ARHGAP23: variants seen among roughly 807,000 people sequenced by gnomAD.
The protein encoded by ARHGAP23 is Rho GTPase activating protein 23.
A neutral mutation model predicts 136.3 loss-of-function variants in ARHGAP23; 34 were observed. The ratio of observed to expected loss-of-function variants is 0.25; its 90% CI spans 0.19 to 0.33. ARHGAP23 has a LOEUF of 0.33. ARHGAP23 is among the 10% of genes least tolerant of loss of function. The pLI is 1.00. For synonymous variants in ARHGAP23, 832 were observed against 920.5 expected (o/e 0.90, Z 1.74); for missense variants, 1,808 against 2,139.0 (o/e 0.85, Z 3.05).
chr17:38,438,316 C>T lies in ARHGAP23; in HGVS notation c.63+9768C>T, dbSNP rs1293881694. Among the ~76,000 whole-genome samples the T allele has an allele frequency of 2.3e-4, 17 of 75,164 alleles. 1 individual carries two copies. The Admixed American group carries it at 3.0e-3, about 13-fold the overall frequency. The allele number at this position is 75,164 out of a possible 152,430, so 49.3% of individuals were successfully genotyped here. A position where few individuals can be genotyped will look rare whatever the true frequency, so the allele number is the denominator to read the frequency against. ...CCAGCCTGGTGACAGAGTGAGACTCCGTCTCAAAAAAAAAAAAAAAAAAAA... is the reference window on the plus strand; with the variant it reads ...CCAGCCTGGTGACAGAGTGAGACTCTGTCTCAAAAAAAAAAAAAAAAAAAA... On this transcript the variant is annotated intron_variant, in intron 1 of 23. Coordinates refer to ENST00000622683, the MANE Select transcript of ARHGAP23 (RefSeq NM_001199417.2).
rs2040748046 is a variant in ARHGAP23 at position 38,510,846 on chromosome 17, G to A, written c.4350G>A (p.Leu1450=). ...SDNKDSGLSS[L]ESTKARAPSS... is the part of the protein sequence containing the mutation. ...ACAAGGACTCCGGACTCAGCAGCCT[G>A]GAGTCCACCAAGGCGCGGGCCCCGT... Residue 1450 remains leucine, a synonymous_variant, in exon 24 of 24, where the codon CTG becomes CTA. Transcript: ENST00000622683. The surrounding 1 kb of genome is among the most constrained non-coding windows in gnomAD (Gnocchi z 4.6). 2.0e-6 allele frequency: 3 copies of A among 1,507,832 alleles called. No homozygotes were observed. Among genetic ancestry groups the A allele is most frequent in the Non-Finnish European group, 2.6e-6 (3 of 1,134,192 alleles). 93.4% of individuals were successfully genotyped at this position (1,507,832 alleles called of 1,614,324 possible).
At chr17:38,487,732 C>T (rs1296469569) in intron 17 of ARHGAP23, among the ~76,000 whole-genome samples, 7 of 148,852 alleles carry the variant, frequency 4.7e-5, no homozygotes, top group South Asian at 2.1e-4. Context: ...GATGTGGTGG[C>T]GGGTGCCTGT....
At chr17:38,483,042 G>A (rs1567815388) in intron 16 of ARHGAP23, among the ~76,000 whole-genome samples, 2 of 151,842 alleles carry the variant, frequency 1.3e-5, no homozygotes, top group Middle Eastern at 3.4e-3. Context: ...GTGTAGACGC[G>A]GAAAGTGTGC....
intron 1 of ARHGAP23, among the ~76,000 whole-genome samples, chr17:38,432,155 T>C (rs2042888832): frequency 6.6e-6 from 1 of 152,210 alleles, no homozygotes; most frequent in Non-Finnish European, 1.5e-5. Flanking sequence ...AGGAGTTATT[T>C]GAGGCCGAGA....
upstream of ARHGAP23, among the ~76,000 whole-genome samples, chr17:38,424,756 T>C (rs2144462274): frequency 6.6e-6 from 1 of 152,326 alleles, no homozygotes; most frequent in African/African-American, 2.4e-5. Context: ...TCAAATCCTG[T>C]GTGGCCTTGG....
intron 23 of ARHGAP23, among the ~76,000 whole-genome samples, chr17:38,506,524 G>C (rs916362354): frequency 2.6e-5 from 4 of 152,192 alleles, no homozygotes; most frequent in Non-Finnish European, 5.9e-5. Flanking sequence ...CAGTTCTACA[G>C]GTTAGAAGTC....
chr17:38,489,583 C>T lies in ARHGAP23; in HGVS notation c.2987-519C>T, dbSNP rs187761785. ...CAGTCCCTGGTAGGGCAGATCCTCC[C>T]GCGTTACTCTTTCTTTAAAAACTAT... On this transcript the variant is annotated intron_variant, in intron 17 of 23. Transcript: ENST00000622683. 4.0e-4 allele frequency among the ~76,000 whole-genome samples: 61 copies of T among 152,280 alleles called. 2 individuals carry two copies. The highest frequency in any genetic ancestry group is 1.3e-3 in the African/African-American group (52 of 41,554).
chr17:38,457,996 G>A lies in ARHGAP23; in HGVS notation c.64-106G>A, dbSNP rs1362139155. The stretch of plus-strand genomic sequence containing the variant: ...GATGCCTGGCAACCCTAGGGCGAAA[G>A]ACCCCTTCTGGTGCCCCTCCGGTCC... On this transcript the variant is annotated intron_variant, in intron 1 of 23. Transcript: ENST00000622683. 14 of 1,385,714 alleles carry A rather than the reference G, an allele frequency of 1.0e-5. No homozygotes were observed. In the South Asian group the frequency reaches 1.9e-4, roughly 19 times the overall value. The allele number at this position is 1,385,714 out of a possible 1,614,324, so 85.8% of individuals were successfully genotyped here. A position where few individuals can be genotyped will look rare whatever the true frequency, so the allele number is the denominator to read the frequency against.
rs995440572 is a variant in ARHGAP23, at chr17:38,477,692, G to A, written c.2232G>A (p.Ala744=). The A allele has an allele frequency of 6.2e-5, 87 of 1,393,464 alleles. No homozygotes were observed. The highest frequency in any genetic ancestry group is 2.3e-4 in the Middle Eastern group (1 of 4,392). 86.3% of individuals were successfully genotyped at this position (1,393,464 alleles called of 1,614,324 possible). Residue 744 remains alanine (A), a synonymous_variant, in exon 12 of 24, where the codon GCG becomes GCA. Transcript: ENST00000622683. This position sits in a 1 kb window ranked among gnomAD's most constrained non-coding sequence, Gnocchi z 6.6. The stretch of plus-strand genomic sequence containing the variant: ...CCGGGCCGGCGGCGGCGGGGGCTGC[G>A]GCGGCCGGCGCAGGTGAGGACGAGG... ...REPGPAAAGA[A]AAGAGEDEAA...
chr17:38,502,784 C>A (rs2040550592), intron 23 of ARHGAP23, among the ~76,000 whole-genome samples: 1 of 152,210 alleles, frequency 6.6e-6, no homozygotes, highest in Admixed American at 6.5e-5. Flanking sequence ...GTGGCTCACG[C>A]CTATAATCCC....
At chr17:38,474,522 GAGGAAC>G (rs1177785029) in intron 11 of ARHGAP23, among the ~76,000 whole-genome samples, 1 of 152,132 alleles carries the variant, frequency 6.6e-6, no homozygotes, top group East Asian at 1.9e-4. Context: ...TGGCATACTG[GAGGAAC>G]AGGTTTGGGG....
At chr17:38,461,024 T>C (rs2039448377) in intron 3 of ARHGAP23, 92 bp downstream of exon 3, 4 of 1,488,638 alleles carry the variant, frequency 2.7e-6, no homozygotes, top group Non-Finnish European at 3.6e-6. Context: ...CCTGTCCTTT[T>C]CTGTGCCCCC....
Position 38,497,846 on chromosome 17 carries a change from G to A in ARHGAP23, c.3318+20G>A, listed in dbSNP as rs2040427012. ...GAGAGAGTAAGTGATGCCGCGGGCT[G>A]GGCTGGCATGGGGGCTGGTCTGGGG... On this transcript the variant is annotated intron_variant, in intron 21 of 23. Coordinates refer to ENST00000622683, the MANE Select transcript of ARHGAP23 (RefSeq NM_001199417.2). 6.4e-7 allele frequency: 1 copy of A among 1,550,992 alleles called. No individual in the cohort carries two copies. The highest frequency in any genetic ancestry group is 8.7e-7 in the Non-Finnish European group (1 of 1,146,798).
chr17:38,472,703 A>G (rs1253092461), intron 11 of ARHGAP23, among the ~76,000 whole-genome samples: 1 of 152,076 alleles, frequency 6.6e-6, no homozygotes, highest in African/African-American at 2.4e-5. Context: ...AGGAGAGACC[A>G]CTGCCTTCCC....
rs2040423407 is a variant in ARHGAP23 at position 38,497,708 on chromosome 17, G to A, written c.3277-77G>A. On this transcript the variant is annotated intron_variant, in intron 20 of 23. Coordinates refer to ENST00000622683, the MANE Select transcript of ARHGAP23 (RefSeq NM_001199417.2). ...GAGGCGCCCCTTGCCGCCTGAGCGG[G>A]TCCTCTGGAATGAGCAGGTGGAAGA... The A allele has an allele frequency of 4.0e-5, 59 of 1,464,516 alleles. 1 individual carries two copies. In the South Asian group the frequency reaches 7.2e-4, roughly 18 times the overall value. 90.7% of individuals were successfully genotyped at this position (1,464,516 alleles called of 1,614,324 possible). A position where few individuals can be genotyped will look rare whatever the true frequency, so the allele number is the denominator to read the frequency against.
At chr17:38,428,337 T>G (rs1162781206), upstream of ARHGAP23, 4 of 149,156 alleles carry the variant, frequency 2.7e-5, no homozygotes, top group African/African-American at 1.2e-4. Flanking sequence ...GAGCGCGGGG[T>G]GGGTGGTGGG....
Position 38,510,316 on chromosome 17 carries a change from G to A in ARHGAP23, c.3820G>A (p.Glu1274Lys), listed in dbSNP as rs1390346878. 1.6e-6 allele frequency: 2 copies of A among 1,267,016 alleles called. No individual in the cohort carries two copies. Among genetic ancestry groups the A allele is most frequent in the Non-Finnish European group, 2.0e-6 (2 of 1,007,496 alleles). 78.5% of individuals were successfully genotyped at this position (1,267,016 alleles called of 1,614,324 possible). A position where few individuals can be genotyped will look rare whatever the true frequency, so the allele number is the denominator to read the frequency against. Residue 1274 changes from glutamate (E) to lysine (K), a missense_variant, in exon 24 of 24, where the codon GAG becomes AAG. Glu to Lys is a moderately conservative substitution (Grantham distance 56, BLOSUM62 1). Transcript: ENST00000622683. This position sits in a 1 kb window ranked among gnomAD's most constrained non-coding sequence, Gnocchi z 4.6. ...CGGTCGGCGGGCAGGGGCGGGGGATGAGGCGGACGACGAGCGTAGCGAGCT... is the reference window on the plus strand; with the variant it reads ...CGGTCGGCGGGCAGGGGCGGGGGATAAGGCGGACGACGAGCGTAGCGAGCT... ...ASGRRAGAGD[E>K]ADDERSELSH...
chr17:38,491,390 C>T lies in ARHGAP23; in HGVS notation c.3151-17C>T, dbSNP rs1300169969. 1 of 1,549,710 alleles carries T rather than the reference C, an allele frequency of 6.5e-7. No individual in the cohort carries two copies. The highest frequency in any genetic ancestry group is 8.7e-7 in the Non-Finnish European group (1 of 1,146,834). ...AGGTCAGGATGTTGACAGTGACCTGCTTTCCCTGCTGCCCAGATGGAACCC... is the reference window on the plus strand; with the variant it reads ...AGGTCAGGATGTTGACAGTGACCTGTTTTCCCTGCTGCCCAGATGGAACCC... On this transcript the variant is annotated splice_polypyrimidine_tract_variant and intron_variant, in intron 19 of 23. Coordinates refer to ENST00000622683, the MANE Select transcript of ARHGAP23 (RefSeq NM_001199417.2).
intron 1 of ARHGAP23, among the ~76,000 whole-genome samples, chr17:38,441,403 CCT>C (rs548494726): frequency 1.1e-3 from 163 of 152,270 alleles, no homozygotes; most frequent in Non-Finnish European, 2.0e-3. Flanking sequence ...TCCCCTCCCT[CCT>C]CTCTTCTCTC....
Sources: allele counts gnomAD v4.1 joint callset (sites outside exome capture counted in the v4.1 genomes callset), GRCh38; gene constraint gnomAD v4.1.1; non-coding constraint Gnocchi (gnomAD v3.1); transcripts MANE v1.5; gene names NCBI Gene and HGNC (gene_info 2026-07-23, HGNC 2026-07-21).